The following IGSF6 variants were observed in gnomAD, a reference collection of about 807,000 sequenced individuals.
The protein encoded by IGSF6 is down-regulated by activation (immunoglobulin superfamily).
IGSF6 carries 23 observed loss-of-function variants against 24.7 expected under a neutral mutation model. That is an observed-to-expected ratio of 0.93 (90% CI 0.67 to 1.32). The LOEUF (loss-of-function observed/expected upper bound fraction) is 1.32, where lower values mean the gene tolerates loss of function less well. IGSF6 is among the 40% of genes most tolerant of loss of function. The pLI is 0.00. For synonymous variants in IGSF6, 110 were observed against 113.7 expected (o/e 0.97, Z 0.21); for missense variants, 295 against 293.6 (o/e 1.00, Z -0.04).
intron 3 of IGSF6, among the ~76,000 whole-genome samples, chr16:21,643,899 T>C (rs994180920): frequency 3.3e-5 from 5 of 152,208 alleles, no homozygotes; most frequent in African/African-American, 1.2e-4. Flanking sequence ...TTAAGGCGGC[T>C]TTTAGTTTCT....
At chr16:21,643,248 G>T (rs1273606403) in intron 4 of IGSF6, 94 bp from the exon 5 acceptor site, 2 of 933,718 alleles carry the variant, frequency 2.1e-6, no homozygotes, top group African/African-American at 1.6e-5. Context: ...TATTGCCACC[G>T]GTCCCAAAAA....
chr16:21,651,318 A>C (rs917019963), intron 1 of IGSF6, among the ~76,000 whole-genome samples: 4 of 151,914 alleles, frequency 2.6e-5, no homozygotes, highest in Non-Finnish European at 5.9e-5. Context: ...GAAGTAAGTA[A>C]ATGTCTTGCT....
chr16:21,645,561 A>G (rs1006802230), intron 2 of IGSF6, among the ~76,000 whole-genome samples: 32 of 152,232 alleles, frequency 2.1e-4, no homozygotes, highest in Admixed American at 6.5e-4. Flanking sequence ...CATCTATACA[A>G]CTAAAATAAA....
At chr16:21,645,926 C>G (rs1047983289) in intron 2 of IGSF6, among the ~76,000 whole-genome samples, 1 of 152,070 alleles carries the variant, frequency 6.6e-6, no homozygotes, top group Non-Finnish European at 1.5e-5. Flanking sequence ...TATCAAAAGC[C>G]CATTAGAACC....
rs1171063383 is a variant in IGSF6 at position 21,641,067 on chromosome 16, A to T, written c.*467T>A. 1 of 152,720 alleles carries T rather than the reference A, an allele frequency of 6.5e-6. No individual in the cohort carries two copies. Among genetic ancestry groups the T allele is most frequent in the Non-Finnish European group, 1.5e-5 (1 of 68,410 alleles). 9.5% of individuals were successfully genotyped at this position (152,720 alleles called of 1,614,324 possible). A position where few individuals can be genotyped will look rare whatever the true frequency, so the allele number is the denominator to read the frequency against. On this transcript the variant is annotated 3_prime_UTR_variant, in exon 6 of 6. Transcript: ENST00000268389. ...CGTTACCCCACTGCCCCATTACAAC[A>T]TCAGAGGAAATAACTTTACTAAGGT...
At chr16:21,650,848 T>C (rs1280585428) in intron 1 of IGSF6, among the ~76,000 whole-genome samples, 2 of 152,340 alleles carry the variant, frequency 1.3e-5, no homozygotes, top group African/African-American at 4.8e-5. Flanking sequence ...GGAATTGTTT[T>C]TTAAACACAG....
chr16:21,652,325 A>G lies in IGSF6; in HGVS notation c.67+207T>C. On this transcript the variant is annotated intron_variant, in intron 1 of 5. Transcript: ENST00000268389. ...CTCCAATTAGCATAATAGCAAAGAGACTTTTCAAGGTTAATATGAAACTTT... is the reference window on the plus strand; with the variant it reads ...CTCCAATTAGCATAATAGCAAAGAGGCTTTTCAAGGTTAATATGAAACTTT... 6.5e-6 allele frequency: 3 copies of G among 461,134 alleles called. No individual in the cohort carries two copies. In the East Asian group the frequency reaches 1.0e-4, roughly 16 times the overall value. The allele number at this position is 461,134 out of a possible 1,614,324, so 28.6% of individuals were successfully genotyped here.
chr16:21,641,250 C>G lies in IGSF6; in HGVS notation c.*284G>C. 4.5e-6 allele frequency: 1 copy of G among 224,128 alleles called. No individual in the cohort carries two copies. Among genetic ancestry groups the G allele is most frequent in the South Asian group, 1.1e-4 (1 of 9,472 alleles). The allele number at this position is 224,128 out of a possible 1,614,324, so 13.9% of individuals were successfully genotyped here. A position where few individuals can be genotyped will look rare whatever the true frequency, so the allele number is the denominator to read the frequency against. On this transcript the variant is annotated 3_prime_UTR_variant, in exon 6 of 6. Transcript: ENST00000268389. ...CAGATCTTCAGGATGGCAGTCATCA[C>G]ACATCTCATGTTGAATGAAACAGAC...
Position 21,643,579 on chromosome 16 carries a change from CT to C in IGSF6, c.553del (p.Arg185GlufsTer5). On this transcript the variant is annotated frameshift_variant, in exon 4 of 6. Coordinates refer to ENST00000268389, the MANE Select transcript of IGSF6 (RefSeq NM_005849.4). LOFTEE classifies it high-confidence loss of function. Reference protein sequence around the residue: ...LLSKSKSNPLRNKEIKEDSQK... With the variant: ...LLSKSKSNPLXNKEIKEDSQK... ...TGAGTCTTCTTTTATTTCTTTGTTT[CT>C]TAGAGGGTTGGATTTTGACTGCCAA... is the stretch of plus-strand genomic sequence containing the variant. 6.2e-7 allele frequency: 1 copy of C among 1,606,908 alleles called. No individual in the cohort carries two copies. The highest frequency in any genetic ancestry group is 1.1e-5 in the South Asian group (1 of 90,450).
intron 3 of IGSF6, among the ~76,000 whole-genome samples, chr16:21,643,990 C>T (rs1567344744): frequency 6.6e-6 from 1 of 152,166 alleles, no homozygotes; most frequent in Non-Finnish European, 1.5e-5. Context: ...CACCTGCCCA[C>T]ACCTCACCCC....
intron 1 of IGSF6, among the ~76,000 whole-genome samples, chr16:21,650,346 A>C (rs1966535848): frequency 6.6e-6 from 1 of 152,024 alleles, no homozygotes; most frequent in Non-Finnish European, 1.5e-5. Flanking sequence ...ATCTTTACTA[A>C]AAATACAAAA....
chr16:21,646,898 C>T, intron 2 of IGSF6: 4 of 512,468 alleles, frequency 7.8e-6, no homozygotes, highest in East Asian at 3.8e-5. Context: ...TCAAGTGATT[C>T]GTCCACCTCA....
At chr16:21,645,795 T>C (rs550921540) in intron 2 of IGSF6, among the ~76,000 whole-genome samples, 3 of 152,244 alleles carry the variant, frequency 2.0e-5, no homozygotes, top group Non-Finnish European at 4.4e-5. Flanking sequence ...TGTTTTCATA[T>C]CAGTAGCTAA....
chr16:21,641,515 A>G lies in IGSF6; in HGVS notation c.*19T>C, dbSNP rs750192058. ...CTGGAGTTGGATTTTCAGTGACTTC[A>G]TTGAAAATTAAAACGTTTCTATGGC... On this transcript the variant is annotated 3_prime_UTR_variant, in exon 6 of 6. Coordinates refer to ENST00000268389, the MANE Select transcript of IGSF6 (RefSeq NM_005849.4). The G allele has an allele frequency of 3.3e-6, 5 of 1,515,974 alleles. No homozygotes were observed. Among genetic ancestry groups the G allele is most frequent in the Non-Finnish European group, 4.6e-6 (5 of 1,098,430 alleles). 93.9% of individuals were successfully genotyped at this position (1,515,974 alleles called of 1,614,324 possible).
rs140742307 is a variant in IGSF6 at position 21,647,123 on chromosome 16, G to A, written c.427+10C>T. 3 of 1,613,984 alleles carry A rather than the reference G, an allele frequency of 1.9e-6. No homozygotes were observed. Among genetic ancestry groups the A allele is most frequent in the African/African-American group, 1.3e-5 (1 of 74,896 alleles). Reference sequence around the variant, plus strand: ...CAATGATGCACTGAAATAAAGCCTCGCTGACTGACCTCTTACCACCAGTGT... The same window carrying A: ...CAATGATGCACTGAAATAAAGCCTCACTGACTGACCTCTTACCACCAGTGT... On this transcript the variant is annotated intron_variant, in intron 2 of 5. Transcript: ENST00000268389.
chr16:21,641,704 TC>T, intron 5 of IGSF6, 111 bp from the exon 6 acceptor site: 1 of 546,704 alleles, frequency 1.8e-6, no homozygotes, highest in Non-Finnish European at 3.2e-6. Flanking sequence ...GTCCTAAGTG[TC>T]CATATGGTAA....
In IGSF6 at chr16:21,644,303, A is replaced by G; in HGVS notation, c.521T>C (p.Ile174Thr). 1 of 1,611,664 alleles carries G rather than the reference A, an allele frequency of 6.2e-7. No individual in the cohort carries two copies. The highest frequency in any genetic ancestry group is 8.5e-7 in the Non-Finnish European group (1 of 1,177,760). ...GATTTGACTTACTTTGGAGAGGAGT[A>G]TGAAGGCCACGCACACACCGGTCAC... Reference protein sequence around the residue: ...VYVTGVCVAFILLSKSKSNPL... With the variant: ...VYVTGVCVAFTLLSKSKSNPL... The change falls in exon 3 of 6, where the codon ATA (isoleucine) becomes ACA (threonine). Residue 174 changes from isoleucine (I) to threonine (T), a missense_variant. Ile to Thr is a moderately conservative substitution (Grantham distance 89). Transcript: ENST00000268389.
intron 2 of IGSF6, 84 bp from the exon 3 acceptor site, chr16:21,644,480 G>A (rs922428556): frequency 4.5e-5 from 42 of 930,368 alleles, no homozygotes; most frequent in Non-Finnish European, 6.6e-5. Context: ...TTCACACTGC[G>A]TTTTAGAGGT....
rs1221513425 is a variant in IGSF6, at chr16:21,643,094, CAT to C, written c.644_645del (p.His215ArgfsTer8). 2 of 1,606,354 alleles carry C rather than the reference CAT, an allele frequency of 1.2e-6. No homozygotes were observed. The highest frequency in any genetic ancestry group is 1.7e-6 in the Non-Finnish European group (2 of 1,175,446). ...EIAQELYHKR[H>X]VETNQQSEKD... Reference sequence around the variant, plus strand: ...CTTACAGATTGCTGATTTGTTTCCACATGTCTCTTATGGTATAGTTCTTGAGC... The same window carrying C: ...CTTACAGATTGCTGATTTGTTTCCACGTCTCTTATGGTATAGTTCTTGAGC... On this transcript the variant is annotated frameshift_variant, in exon 5 of 6. Coordinates refer to ENST00000268389, the MANE Select transcript of IGSF6 (RefSeq NM_005849.4). LOFTEE classifies it low-confidence loss of function (END_TRUNC).
Sources: gnomAD v4.1 joint callset for allele counts (sites outside exome capture counted in the v4.1 genomes callset) on GRCh38, gnomAD v4.1.1 for gene constraint, MANE v1.5 for transcripts, NCBI Gene and HGNC (gene_info 2026-07-23, HGNC 2026-07-21) for gene names.